Variants in LRRC37A3 observed in about 807,000 individuals in gnomAD.
The protein encoded by LRRC37A3 is leucine-rich repeat-containing protein 37A3.
Under a neutral mutation model 106.2 loss-of-function variants are expected in LRRC37A3, and 25 were observed. The observed-to-expected ratio is 0.24, with a 90% confidence interval of 0.17 to 0.33. The LOEUF is 0.33. LRRC37A3 is among the 10% of genes least tolerant of loss of function. The pLI, the probability that LRRC37A3 is intolerant of heterozygous loss-of-function variation, is 1.00. For missense variants in LRRC37A3, 712 were observed against 1,644.9 expected (o/e 0.43, Z 9.81); for synonymous variants, 305 against 635.8 (o/e 0.48, Z 7.83).
At chr17:64,857,118 G>T (rs1972704557) in intron 13 of LRRC37A3, among the ~76,000 whole-genome samples, 1 of 152,210 alleles carries the variant, frequency 6.6e-6, no homozygotes, top group Admixed American at 6.5e-5. Context: ...AAGCCTAAGA[G>T]AATCAACTAA....
intron 11 of LRRC37A3, among the ~76,000 whole-genome samples, 195 bp from the exon 12 acceptor site, chr17:64,861,168 C>T (rs1972854073): frequency 6.6e-6 from 1 of 152,142 alleles, no homozygotes; most frequent in Non-Finnish European, 1.5e-5. Flanking sequence ...CTTTTGAAAA[C>T]ACGGCCACCT....
chr17:64,917,296 G>A (rs1325909247), intron 2 of LRRC37A3, among the ~76,000 whole-genome samples: 1 of 149,468 alleles, frequency 6.7e-6, no homozygotes, highest in Non-Finnish European at 1.5e-5. Context: ...TGCTAGGGAG[G>A]ATACAGAGCA....
At chr17:64,866,357 C>A (rs1394540670) in intron 10 of LRRC37A3, among the ~76,000 whole-genome samples, 2 of 151,362 alleles carry the variant, frequency 1.3e-5, no homozygotes, top group African/African-American at 4.9e-5. Flanking sequence ...AGTGACCTGA[C>A]AAAAATGAAC....
rs1277436757 is a variant in LRRC37A3 at position 64,866,623 on chromosome 17, TATATA to T, written c.3053+1834_3053+1838del. 1.4e-3 allele frequency among the ~76,000 whole-genome samples: 34 copies of T among 24,368 alleles called. 1 individual carries two copies. The highest frequency in any genetic ancestry group is 3.3e-3 in the African/African-American group (15 of 4,514). The allele number at this position is 24,368 out of a possible 152,430, so 16.0% of individuals were successfully genotyped here. A position where few individuals can be genotyped will look rare whatever the true frequency, so the allele number is the denominator to read the frequency against. On this transcript the variant is annotated intron_variant, in intron 10 of 14. Transcript: ENST00000584306. ...ATATATATATATATATATATATATA[TATATA>T]TTTTTTTTTTTTTTTTTTTTTAGAC...
intron 1 of LRRC37A3, 43 bp from the exon 2 acceptor site, chr17:64,918,913 T>C (rs1974765169): frequency 1.3e-5 from 9 of 686,658 alleles, no homozygotes; most frequent in Non-Finnish European, 1.8e-5. Context: ...AGCGAGCACC[T>C]GTAGTGACTA....
Position 64,859,904 on chromosome 17 carries a change from A to C in LRRC37A3, c.4242T>G (p.Ser1414=). 6.2e-7 allele frequency: 1 copy of C among 1,613,638 alleles called. No individual in the cohort carries two copies. The highest frequency in any genetic ancestry group is 1.3e-5 in the African/African-American group (1 of 74,992). The change falls in exon 12 of 15, where the codon TCT becomes TCG. Residue 1414 remains serine, a synonymous_variant. Coordinates refer to ENST00000584306, the MANE Select transcript of LRRC37A3 (RefSeq NM_199340.5). The stretch of plus-strand genomic sequence containing the variant: ...GAGGATGATTGTAGTTTGTGTTTTC[A>C]GAGATGGTTCCTTCTGGCATGTTAG... The part of the protein sequence containing the change: ...ENTNMPEGTI[S]ENTNYNHPPE...
At chr17:64,865,762 C>T (rs1395722602) in intron 10 of LRRC37A3, among the ~76,000 whole-genome samples, 3 of 152,216 alleles carry the variant, frequency 2.0e-5, no homozygotes, top group Non-Finnish European at 1.5e-5. Context: ...TTCATATTAT[C>T]ATTGTCTACT....
At chr17:64,901,239 T>C (rs1974301143) in intron 2 of LRRC37A3, 2 of 151,170 alleles carry the variant, frequency 1.3e-5, no homozygotes, top group Admixed American at 6.6e-5. Context: ...AGATAGGAAC[T>C]AAGGAATAAT....
intron 2 of LRRC37A3, among the ~76,000 whole-genome samples, chr17:64,911,230 C>T (rs1014540972): frequency 6.8e-6 from 1 of 146,050 alleles, no homozygotes; most frequent in Non-Finnish European, 1.5e-5. Flanking sequence ...CTCTGAAGTT[C>T]TAGTATTACC....
At chr17:64,899,736 G>A (rs1490963293) in intron 2 of LRRC37A3, 1 of 148,230 alleles carries the variant, frequency 6.7e-6, no homozygotes, top group Non-Finnish European at 1.5e-5. Flanking sequence ...GTTCTAACAA[G>A]GCCTGTGTTC....
At chr17:64,866,653 C>G in intron 10 of LRRC37A3, among the ~76,000 whole-genome samples, 1 of 62,424 alleles carries the variant, frequency 1.6e-5, no homozygotes, top group African/African-American at 5.9e-5. Context: ...TTTTTTTAGA[C>G]AGGGTCTTGC....
intron 8 of LRRC37A3, among the ~76,000 whole-genome samples, chr17:64,884,406 C>T (rs1973808179): frequency 6.6e-6 from 1 of 151,716 alleles, no homozygotes; most frequent in Admixed American, 6.6e-5. Flanking sequence ...CACTCTGTCC[C>T]TCAGGCTGGA....
intron 14 of LRRC37A3, 28 bp downstream of exon 14, chr17:64,855,812 A>G (rs1214260502): frequency 8.1e-6 from 13 of 1,607,238 alleles, no homozygotes; most frequent in Non-Finnish European, 1.0e-5. Flanking sequence ...AAAAGAAAAG[A>G]AAAAAAAATC....
intron 8 of LRRC37A3, among the ~76,000 whole-genome samples, chr17:64,873,274 A>C (rs928929590): frequency 2.0e-5 from 3 of 149,516 alleles, no homozygotes; most frequent in Admixed American, 6.7e-5. Flanking sequence ...TTGGGGGAGA[A>C]ATAAGCAGAA....
intron 8 of LRRC37A3, among the ~76,000 whole-genome samples, chr17:64,875,964 A>G (rs1200690094): frequency 6.6e-6 from 1 of 152,176 alleles, no homozygotes; most frequent in Non-Finnish European, 1.5e-5. Context: ...CAAAGTTGGA[A>G]TTAATCTGAA....
chr17:64,860,666 G>T lies in LRRC37A3; in HGVS notation c.3480C>A (p.Asn1160Lys), dbSNP rs777627599. The change falls in exon 12 of 15, where the codon AAC (asparagine) becomes AAA (lysine). Residue 1160 changes from asparagine (N) to lysine (K), a missense_variant. Coordinates refer to ENST00000584306, the MANE Select transcript of LRRC37A3 (RefSeq NM_199340.5). ...SLAKIQTVGK[N>K]RQRLNRVLMG... ...TGAGGACTCTATTCAGTCTCTGCCG[G>T]TTTTTGCCTACAGTTTGAATCTTTG... is the stretch of plus-strand genomic sequence containing the variant. 8.0e-5 allele frequency: 129 copies of T among 1,613,848 alleles called. No individual in the cohort carries two copies. Among genetic ancestry groups the T allele is most frequent in the Non-Finnish European group, 1.0e-4 (121 of 1,179,878 alleles).
intron 8 of LRRC37A3, among the ~76,000 whole-genome samples, chr17:64,874,596 G>A (rs1973444795): frequency 6.6e-6 from 1 of 152,262 alleles, no homozygotes; most frequent in African/African-American, 2.4e-5. Flanking sequence ...TCTGGGAGGT[G>A]TACCCAACAG....
chr17:64,918,078 A>G (rs1424669207), intron 2 of LRRC37A3, among the ~76,000 whole-genome samples: 277 of 145,252 alleles, frequency 1.9e-3, no homozygotes, highest in African/African-American at 4.8e-3. Flanking sequence ...ATATAATTCT[A>G]TGAATATACA....
At chr17:64,868,944 A>C (rs1411342855) in intron 9 of LRRC37A3, 151 bp downstream of exon 9, 1 of 1,452,512 alleles carries the variant, frequency 6.9e-7, no homozygotes, top group African/African-American at 1.4e-5. Context: ...ACATCCTCTT[A>C]ATTTTTTTCT....
Sources: allele counts gnomAD v4.1 joint callset (sites outside exome capture counted in the v4.1 genomes callset), GRCh38; gene constraint gnomAD v4.1.1; transcripts MANE v1.5; gene names NCBI Gene and HGNC (gene_info 2026-07-23, HGNC 2026-07-21).